The following RBPJ variants were observed in gnomAD, a reference collection of about 807,000 sequenced individuals.
The protein encoded by RBPJ is recombination signal binding protein for immunoglobulin kappa J region, also known as recombining binding protein suppressor of hairless.
RBPJ carries 9 observed loss-of-function variants against 67.8 expected under a neutral mutation model. That is an observed-to-expected ratio of 0.13 (90% CI 0.08 to 0.23). The LOEUF is 0.23. Ranked by LOEUF, RBPJ falls within the 10% of genes least tolerant of loss-of-function variation. The pLI is 1.00. For synonymous variants in RBPJ, 198 were observed against 203.3 expected (o/e 0.97, Z 0.22); for missense variants, 305 against 595.6 (o/e 0.51, Z 5.08).
At chr4:26,318,218 T>C (rs546155855), upstream of RBPJ, among the ~76,000 whole-genome samples, 4 of 152,040 alleles carry the variant, frequency 2.6e-5, no homozygotes, top group South Asian at 8.3e-4. Context: ...CCTCCAAATA[T>C]CAAAATTCAA....
intron 1 of RBPJ, among the ~76,000 whole-genome samples, chr4:26,357,573 A>G (rs1317938454): frequency 4.6e-5 from 7 of 152,206 alleles, no homozygotes; most frequent in African/African-American, 2.4e-5. Flanking sequence ...TTGTAGCAAA[A>G]TATACATAAA....
At chr4:26,373,915 C>CTTTTTTT (rs765161799) in intron 1 of RBPJ, among the ~76,000 whole-genome samples, 2 of 113,342 alleles carry the variant, frequency 1.8e-5, no homozygotes, top group Non-Finnish European at 3.5e-5. Flanking sequence ...TTATTTTTTA[C>CTTTTTTT]TTTTTTTTTT....
chr4:26,179,257 C>T (rs1227036525), intron 1 of RBPJ, among the ~76,000 whole-genome samples: 1 of 150,174 alleles, frequency 6.7e-6, no homozygotes. Flanking sequence ...TGCTTGAGAT[C>T]TGGCTGCATT....
chr4:26,308,774 C>T (rs1173767994), intron 1 of RBPJ, among the ~76,000 whole-genome samples: 1 of 152,214 alleles, frequency 6.6e-6, no homozygotes, highest in African/African-American at 2.4e-5. Context: ...TATCATTACA[C>T]TATCTCTGAC....
At chr4:26,409,239 A>T (rs1195930927) in intron 3 of RBPJ, among the ~76,000 whole-genome samples, 1 of 152,138 alleles carries the variant, frequency 6.6e-6, no homozygotes, top group African/African-American at 2.4e-5. Flanking sequence ...AAATTGTGTT[A>T]AAGTCCAGAT....
chr4:26,364,619 C>CTTTTT (rs1728426247), intron 1 of RBPJ, among the ~76,000 whole-genome samples: 1 of 129,722 alleles, frequency 7.7e-6, no homozygotes, highest in African/African-American at 2.8e-5. Flanking sequence ...TTTTCTTTTT[C>CTTTTT]ATTTTCTTTT....
intron 1 of RBPJ, among the ~76,000 whole-genome samples, chr4:26,346,577 A>G (rs772112728): frequency 2.0e-5 from 3 of 152,182 alleles, no homozygotes; most frequent in Non-Finnish European, 4.4e-5. Flanking sequence ...CTTTGTGAGA[A>G]AGGAAAATGA....
At chr4:26,348,540 G>A (rs943889006) in intron 1 of RBPJ, among the ~76,000 whole-genome samples, 1 of 152,134 alleles carries the variant, frequency 6.6e-6, no homozygotes, top group African/African-American at 2.4e-5. Flanking sequence ...TAAGTAGAAA[G>A]TTAGCATGTA....
intron 1 of RBPJ, among the ~76,000 whole-genome samples, chr4:26,354,442 A>C (rs1727139316): frequency 6.9e-6 from 1 of 145,948 alleles, no homozygotes; most frequent in African/African-American, 2.5e-5. Flanking sequence ...TATTGGCAAA[A>C]AGATTTCTGT....
At chr4:26,140,234 CAG>C in the RBPJ span, among the ~76,000 whole-genome samples, 1 of 152,252 alleles carries the variant, frequency 6.6e-6, no homozygotes, top group Non-Finnish European at 1.5e-5. Flanking sequence ...GAAGAGGACA[CAG>C]GGGCCTCCTT....
At chr4:26,165,601 C>T (rs548593014) in intron 1 of RBPJ, among the ~76,000 whole-genome samples, 11 of 152,224 alleles carry the variant, frequency 7.2e-5, no homozygotes, top group Admixed American at 5.9e-4. Context: ...TTCTATTGGA[C>T]ATCGTTCAAG....
chr4:26,412,097 A>G (rs1734080186), intron 3 of RBPJ, among the ~76,000 whole-genome samples: 1 of 146,044 alleles, frequency 6.8e-6, no homozygotes. Flanking sequence ...CCTGGGTGAC[A>G]GAGCAAGACT....
chr4:26,316,374 T>A (rs1425514528), upstream of RBPJ, among the ~76,000 whole-genome samples: 1 of 146,200 alleles, frequency 6.8e-6, no homozygotes, highest in South Asian at 2.1e-4. Context: ...CATATATACA[T>A]TCATATATAT....
At chr4:26,281,171 T>G (rs550427086) in intron 1 of RBPJ, among the ~76,000 whole-genome samples, 2 of 152,324 alleles carry the variant, frequency 1.3e-5, no homozygotes, top group Admixed American at 1.3e-4. Flanking sequence ...GAAAGGAGGT[T>G]TAATTGACTC....
At chr4:26,349,769 C>T (rs957296596) in intron 1 of RBPJ, among the ~76,000 whole-genome samples, 2 of 152,326 alleles carry the variant, frequency 1.3e-5, no homozygotes, top group Non-Finnish European at 2.9e-5. Flanking sequence ...TGGTTACTCT[C>T]TGTCTCATGA....
At chr4:26,336,106 C>G (rs1724807545) in intron 1 of RBPJ, among the ~76,000 whole-genome samples, 1 of 152,036 alleles carries the variant, frequency 6.6e-6, no homozygotes, top group African/African-American at 2.4e-5. Context: ...CCAGTGTTAC[C>G]CTAAAATCCT....
chr4:26,143,557 G>A, the RBPJ span, among the ~76,000 whole-genome samples: 3 of 152,224 alleles, frequency 2.0e-5, no homozygotes, highest in Admixed American at 1.3e-4. Context: ...AGAATCATGA[G>A]TGACTAAAAG....
At chr4:26,191,493 G>A (rs1324963048) in intron 1 of RBPJ, among the ~76,000 whole-genome samples, 1 of 151,926 alleles carries the variant, frequency 6.6e-6, no homozygotes, top group Non-Finnish European at 1.5e-5. Flanking sequence ...GGACTCATGA[G>A]ACTCAGAACA....
chr4:26,320,419 C>T (rs1441857047), upstream of RBPJ: 10 of 344,906 alleles, frequency 2.9e-5, no homozygotes, highest in Non-Finnish European at 4.8e-5. Context: ...AGACAGTCCC[C>T]GACGTGTCAC....
Sources: allele counts gnomAD v4.1 joint callset (sites outside exome capture counted in the v4.1 genomes callset), GRCh38; gene constraint gnomAD v4.1.1; transcripts MANE v1.5; gene names NCBI Gene and HGNC (gene_info 2026-07-23, HGNC 2026-07-21).